SLC12A5: variants seen among roughly 807,000 people sequenced by gnomAD.
SLC12A5 encodes the protein K-Cl cotransporter 2.
A neutral mutation model predicts 124.0 loss-of-function variants in SLC12A5; 18 were observed. The ratio of observed to expected loss-of-function variants is 0.15; its 90% confidence interval spans 0.10 to 0.22. SLC12A5 has a LOEUF of 0.22. Among genes scored for constraint, SLC12A5 ranks in the 10% least tolerant of loss-of-function variants. The probability of loss-of-function intolerance (pLI) is 1.00; values close to 1 mark genes in which losing one functional copy is unlikely to be tolerated. For synonymous variants in SLC12A5, 589 were observed against 568.0 expected (o/e 1.04, Z -0.53); for missense variants, 867 against 1,478.7 (o/e 0.59, Z 6.78).
chr20:46,047,939 C>T (rs758152047), intron 15 of SLC12A5, 42 bp from the exon 16 acceptor site: 1 of 1,551,152 alleles, frequency 6.4e-7, no homozygotes, highest in Admixed American at 1.9e-5. Context: ...CCTGCCCCCT[C>T]CTGGCTTTCT....
At chr20:46,043,377 A>T in intron 9 of SLC12A5, 54 bp downstream of exon 9, 1 of 1,577,620 alleles carries the variant, frequency 6.3e-7, no homozygotes, top group South Asian at 1.1e-5. Flanking sequence ...TGGGGAAGAG[A>T]GAGTCGATGA....
chr20:46,034,920 C>T, intron 1 of SLC12A5, 28 bp from the exon 2 acceptor site: 2 of 1,609,468 alleles, frequency 1.2e-6, no homozygotes, highest in Non-Finnish European at 1.7e-6. Flanking sequence ...TGATTGGTTC[C>T]AGATCCCTGA....
chr20:46,043,786 A>G (rs547848726), intron 10 of SLC12A5, 55 bp downstream of exon 10: 1 of 1,612,832 alleles, frequency 6.2e-7, no homozygotes, highest in East Asian at 2.2e-5. Flanking sequence ...GAGGGAGGGC[A>G]GCTGAACTTG....
At position 46,045,889 on chromosome 20, in the gene SLC12A5, T is replaced by A. The variant is rs923053406; in HGVS notation, c.1581T>A (p.His527Gln). ...GIVPFLQVFG[H>Q]GKANGEPTWA... ...TGCTCTTTCCCCAGGTCTTTGGCCA[T>A]GGCAAGGCCAATGGAGAGCCGACCT... Residue 527 changes from histidine (H) to glutamine (Q), a missense_variant, in exon 13 of 26, where the codon CAT (histidine) becomes CAA (glutamine). Physicochemically the swap from His to Gln is conservative, Grantham distance 24 (BLOSUM62 0). Coordinates refer to ENST00000243964, the MANE Select transcript of SLC12A5 (RefSeq NM_020708.5). This position sits in a 1 kb window ranked among gnomAD's most constrained non-coding sequence, Gnocchi z 4.9. 2 of 1,614,116 alleles carry A rather than the reference T, an allele frequency of 1.2e-6. No homozygotes were observed. Among genetic ancestry groups the A allele is most frequent in the Non-Finnish European group, 1.7e-6 (2 of 1,179,996 alleles).
intron 21 of SLC12A5, 60 bp downstream of exon 21, chr20:46,055,083 G>A (rs1390022175): frequency 1.6e-6 from 2 of 1,279,534 alleles, no homozygotes; most frequent in Non-Finnish European, 2.3e-6. Context: ...TGGGTGGCAG[G>A]TTTAGGATGC....
chr20:46,032,715 C>A (rs1351419012), intron 1 of SLC12A5, among the ~76,000 whole-genome samples: 1 of 152,138 alleles, frequency 6.6e-6, no homozygotes, highest in Non-Finnish European at 1.5e-5. Context: ...TAACTCCAGC[C>A]CCCTTTTTTA....
At chr20:46,021,988 G>C in intron 1 of SLC12A5, 1 of 1,293,312 alleles carries the variant, frequency 7.7e-7, no homozygotes, top group Non-Finnish European at 1.0e-6. Context: ...GACCGGGGGC[G>C]GGGAGGGGTC....
chr20:46,043,506 C>G (rs2084566565), intron 9 of SLC12A5, 127 bp from the exon 10 acceptor site: 1 of 1,188,176 alleles, frequency 8.4e-7, no homozygotes, highest in Non-Finnish European at 1.2e-6. Flanking sequence ...TGTCCAAGGT[C>G]TCACACAAGC....
At position 46,058,359 on chromosome 20, in the gene SLC12A5, T is replaced by C. The variant is rs2051263122; in HGVS notation, c.*754T>C. 1 of 398,052 alleles carries C rather than the reference T, an allele frequency of 2.5e-6. No individual in the cohort carries two copies. The highest frequency in any genetic ancestry group is 4.4e-6 in the Non-Finnish European group (1 of 226,016). The allele number at this position is 398,052 out of a possible 1,614,324, so 24.7% of individuals were successfully genotyped here. A position where few individuals can be genotyped will look rare whatever the true frequency, so the allele number is the denominator to read the frequency against. ...CCGTCCTGCTCTCGCCTCTTCGCCC[T>C]TTCCGCGCGCCCTTGGCTTCCCACC... On this transcript the variant is annotated 3_prime_UTR_variant, in exon 26 of 26. Coordinates refer to ENST00000243964, the MANE Select transcript of SLC12A5 (RefSeq NM_020708.5). This position sits in a 1 kb window ranked among gnomAD's most constrained non-coding sequence, Gnocchi z 5.8.
At chr20:46,029,915 T>TGC (rs1428882506) in intron 1 of SLC12A5, among the ~76,000 whole-genome samples, 2 of 42,794 alleles carry the variant, frequency 4.7e-5, no homozygotes, top group Admixed American at 4.3e-4. Context: ...TGTGTGTGTG[T>TGC]GCGTGTGTGT....
At chr20:46,043,766 G>T in intron 10 of SLC12A5, 35 bp downstream of exon 10, 2 of 1,613,780 alleles carry the variant, frequency 1.2e-6, no homozygotes, top group Middle Eastern at 1.7e-4. Context: ...CCACCCTCGG[G>T]GGAGGGCAAG....
At chr20:46,022,380 T>C (rs906449800) in intron 1 of SLC12A5, among the ~76,000 whole-genome samples, 1 of 101,152 alleles carries the variant, frequency 9.9e-6, no homozygotes, top group Non-Finnish European at 1.9e-5. Context: ...TAGTAGGGAA[T>C]GAGTTGGGCC....
chr20:46,038,807 C>G (rs1345489759), intron 6 of SLC12A5, among the ~76,000 whole-genome samples: 1 of 152,152 alleles, frequency 6.6e-6, no homozygotes, highest in Admixed American at 6.5e-5. Flanking sequence ...TCCTCTATAC[C>G]ACACTGCCTT....
chr20:46,022,268 A>G (rs2084362427), intron 1 of SLC12A5, among the ~76,000 whole-genome samples: 1 of 151,158 alleles, frequency 6.6e-6, no homozygotes, highest in Non-Finnish European at 1.5e-5. Flanking sequence ...GAGGAGGTGG[A>G]ACTAGGGAAA....
rs753162897 is a variant in SLC12A5 at position 46,056,524 on chromosome 20, G to A, written c.3070G>A (p.Val1024Ile). The A allele has an allele frequency of 1.2e-6, 2 of 1,614,170 alleles. No homozygotes were observed. Among genetic ancestry groups the A allele is most frequent in the Non-Finnish European group, 1.7e-6 (2 of 1,180,000 alleles). Residue 1024 changes from valine (V) to isoleucine (I), a missense_variant, in exon 23 of 26, where the codon GTC becomes ATC. Around this residue, in one of 9 missense-constraint regions of SLC12A5, gnomAD observed 180 missense variants for 243.6 expected, o/e 0.74. Coordinates refer to ENST00000243964, the MANE Select transcript of SLC12A5 (RefSeq NM_020708.5). This position sits in a 1 kb window ranked among gnomAD's most constrained non-coding sequence, Gnocchi z 4.3. ...VAEKNKGPSP[V>I]SSEGIKDFFS... ...AGAGAAGAATAAGGGCCCCAGTCCT[G>A]TCTCCTCTGAGGGCATCAAGGACTT...
At chr20:46,044,934 T>C (rs1461832358) in intron 11 of SLC12A5, 32 bp from the exon 12 acceptor site, 1 of 1,613,706 alleles carries the variant, frequency 6.2e-7, no homozygotes, top group Admixed American at 1.7e-5. Context: ...GCAGCACTGC[T>C]CACCTGGCAT....
At chr20:46,023,126 G>T (rs375577787) in intron 2 of SLC12A5, 5 of 398,368 alleles carry the variant, frequency 1.3e-5, no homozygotes, top group African/African-American at 4.1e-5. Context: ...TAACCCTTAG[G>T]GGGTTATCTG....
chr20:46,031,435 A>G (rs954979596), intron 1 of SLC12A5, among the ~76,000 whole-genome samples: 3 of 151,984 alleles, frequency 2.0e-5, no homozygotes, highest in African/African-American at 7.3e-5. Flanking sequence ...GGTGCTAAGG[A>G]CCTTCTGGGC....
intron 17 of SLC12A5, 33 bp downstream of exon 17, chr20:46,049,823 G>C: frequency 6.5e-7 from 1 of 1,542,992 alleles, no homozygotes; most frequent in Non-Finnish European, 8.8e-7. Context: ...CTTGGGAAAA[G>C]GTCAGGACAC....
Sources: allele counts gnomAD v4.1 joint callset (sites outside exome capture counted in the v4.1 genomes callset), GRCh38; gene constraint gnomAD v4.1.1; regional missense constraint gnomAD v4.1.1; non-coding constraint Gnocchi (gnomAD v3.1); transcripts MANE v1.5; gene names NCBI Gene and HGNC (gene_info 2026-07-23, HGNC 2026-07-21).